Variants in ZMAT4 observed in about 807,000 individuals in gnomAD.
ZMAT4 encodes the protein zinc finger matrin-type protein 4.
A neutral mutation model predicts 28.7 loss-of-function variants in ZMAT4; 17 were observed. That is an observed-to-expected ratio of 0.59 (90% CI 0.41 to 0.89). ZMAT4 has a LOEUF of 0.89. ZMAT4 is among the 40% of genes least tolerant of loss of function. The probability of loss-of-function intolerance (pLI) is 0.00; values close to 1 mark genes in which losing one functional copy is unlikely to be tolerated. For synonymous variants in ZMAT4, 117 were observed against 109.2 expected (o/e 1.07, Z -0.44); for missense variants, 240 against 283.8 (o/e 0.85, Z 1.11).
intron 5 of ZMAT4, among the ~76,000 whole-genome samples, chr8:40,624,543 G>A (rs1304868939): frequency 6.6e-6 from 1 of 152,186 alleles, no homozygotes; most frequent in Non-Finnish European, 1.5e-5. Flanking sequence ...TGTTTGCCTT[G>A]TTGCTCCAGC....
intron 5 of ZMAT4, among the ~76,000 whole-genome samples, chr8:40,602,555 T>G (rs1001114723): frequency 6.6e-6 from 1 of 152,178 alleles, no homozygotes; most frequent in Non-Finnish European, 1.5e-5. Context: ...ATTTTTTGAT[T>G]ATGGCCATTC....
chr8:40,650,260 C>A (rs921649430), intron 5 of ZMAT4, among the ~76,000 whole-genome samples: 123 of 152,156 alleles, frequency 8.1e-4, no homozygotes, highest in African/African-American at 2.5e-3. Flanking sequence ...ACCGATCCCA[C>A]AGAAATACAA....
At chr8:40,679,265 T>C (rs1309789534) in intron 4 of ZMAT4, among the ~76,000 whole-genome samples, 3 of 152,184 alleles carry the variant, frequency 2.0e-5, no homozygotes, top group Non-Finnish European at 4.4e-5. Context: ...AATATGTATA[T>C]TCATCTTATA....
At chr8:40,583,852 C>G (rs768266319) in intron 5 of ZMAT4, among the ~76,000 whole-genome samples, 44 of 152,098 alleles carry the variant, frequency 2.9e-4, no homozygotes, top group Non-Finnish European at 6.3e-4. Flanking sequence ...TGATCGGCCT[C>G]CCACTAAATA....
At chr8:40,726,909 T>G (rs892383435) in intron 3 of ZMAT4, among the ~76,000 whole-genome samples, 3 of 152,182 alleles carry the variant, frequency 2.0e-5, no homozygotes, top group Non-Finnish European at 2.9e-5. Flanking sequence ...GGTAAAGGTC[T>G]CACATCCTCT....
intron 3 of ZMAT4, among the ~76,000 whole-genome samples, chr8:40,736,876 G>C (rs906859793): frequency 1.3e-5 from 2 of 150,588 alleles, no homozygotes; most frequent in Non-Finnish European, 2.9e-5. Flanking sequence ...CTGAAAATAG[G>C]GGTAAAAGTG....
intron 5 of ZMAT4, among the ~76,000 whole-genome samples, chr8:40,667,063 A>G (rs566401326): frequency 1.3e-5 from 2 of 152,284 alleles, no homozygotes; most frequent in South Asian, 4.1e-4. Context: ...AGAAATGTAA[A>G]GAAATGTAAA....
intron 2 of ZMAT4, among the ~76,000 whole-genome samples, chr8:40,789,131 A>G (rs1361358486): frequency 6.6e-6 from 1 of 152,084 alleles, no homozygotes; most frequent in East Asian, 1.9e-4. Flanking sequence ...AATTCACATC[A>G]ACATTGCAAC....
At chr8:40,615,322 T>A (rs541658102) in intron 5 of ZMAT4, among the ~76,000 whole-genome samples, 104 of 152,372 alleles carry the variant, frequency 6.8e-4, no homozygotes, top group African/African-American at 2.4e-3. Context: ...CTTCCCTTTG[T>A]GAGTAACCCG....
chr8:40,637,494 C>G (rs1406347110), intron 5 of ZMAT4, among the ~76,000 whole-genome samples: 1 of 152,126 alleles, frequency 6.6e-6, no homozygotes, highest in Non-Finnish European at 1.5e-5. Flanking sequence ...AAGTTGTGCA[C>G]CTACCACTCC....
At chr8:40,572,852 T>C (rs547580518) in intron 6 of ZMAT4, among the ~76,000 whole-genome samples, 2 of 152,322 alleles carry the variant, frequency 1.3e-5, no homozygotes, top group African/African-American at 4.8e-5. Context: ...CGTGTCTGGT[T>C]ACTACCAGCA....
intron 2 of ZMAT4, among the ~76,000 whole-genome samples, chr8:40,768,084 T>A (rs1813237018): frequency 6.6e-6 from 1 of 152,186 alleles, no homozygotes; most frequent in Non-Finnish European, 1.5e-5. Context: ...CACAGTGATC[T>A]CTCTCACTAC....
At chr8:40,754,417 T>C (rs1177484100) in intron 3 of ZMAT4, among the ~76,000 whole-genome samples, 1 of 152,188 alleles carries the variant, frequency 6.6e-6, no homozygotes, top group African/African-American at 2.4e-5. Context: ...AACTATGATA[T>C]ATATCTCAGT....
At chr8:40,879,746 G>A (rs1818157306) in intron 1 of ZMAT4, among the ~76,000 whole-genome samples, 1 of 152,182 alleles carries the variant, frequency 6.6e-6, no homozygotes, top group Admixed American at 6.5e-5. Flanking sequence ...ACCATCCAGA[G>A]AGAATCTCTA....
chr8:40,882,583 G>A (rs754197700), intron 1 of ZMAT4, among the ~76,000 whole-genome samples: 9 of 152,166 alleles, frequency 5.9e-5, no homozygotes, highest in African/African-American at 2.2e-4. Context: ...CACCGGGAGA[G>A]AGAACCCCTA....
rs1191111606 is a variant in ZMAT4 at position 40,599,739 on chromosome 8, C to T, written c.578-18478G>A. ...GGCAGGTGGGAGAGTGGGCTGAAGA[C>T]ATCTGGATGGGAGACACACGAGGGA... is the stretch of plus-strand genomic sequence containing the variant. On this transcript the variant is annotated intron_variant, in intron 5 of 6. Transcript: ENST00000297737. 4.6e-5 allele frequency among the ~76,000 whole-genome samples: 7 copies of T among 152,218 alleles called. No homozygotes were observed. In the East Asian group the frequency reaches 1.3e-3, roughly 29 times the overall value.
intron 3 of ZMAT4, among the ~76,000 whole-genome samples, chr8:40,738,701 G>T (rs1170278881): frequency 1.3e-5 from 2 of 152,148 alleles, no homozygotes; most frequent in Admixed American, 6.5e-5. Context: ...ACTGAGAGGA[G>T]GTGGAGGATG....
chr8:40,552,378 A>G (rs568566606), intron 6 of ZMAT4, among the ~76,000 whole-genome samples: 100 of 152,182 alleles, frequency 6.6e-4, no homozygotes, highest in African/African-American at 2.3e-3. Context: ...CTGAGCACCA[A>G]ATTCTGCATC....
chr8:40,891,742 T>A (rs986885968), intron 1 of ZMAT4, among the ~76,000 whole-genome samples: 1 of 152,146 alleles, frequency 6.6e-6, no homozygotes, highest in Non-Finnish European at 1.5e-5. Flanking sequence ...ATGCCTTTGT[T>A]AGCACAGGGA....
Sources: allele counts gnomAD v4.1 joint callset (sites outside exome capture counted in the v4.1 genomes callset), GRCh38; gene constraint gnomAD v4.1.1; transcripts MANE v1.5; gene names NCBI Gene and HGNC (gene_info 2026-07-23, HGNC 2026-07-21).